The following DHRSX variants were observed in gnomAD, a reference collection of about 807,000 sequenced individuals.
DHRSX encodes the protein polyprenol dehydrogenase.
DHRSX carries 31 observed loss-of-function variants against 34.0 expected under a neutral mutation model. That is an observed-to-expected ratio of 0.91 (90% confidence interval 0.69 to 1.23). DHRSX has a LOEUF of 1.23. Ranked by LOEUF, DHRSX falls within the 50% of genes most tolerant of loss-of-function variation. DHRSX has a pLI of 0.00. For synonymous variants in DHRSX, 201 were observed against 183.8 expected, an observed-to-expected ratio of 1.09 and a Z score of -0.76; for missense variants, 414 against 428.1, an observed-to-expected ratio of 0.97 and a Z score of 0.29.
At chrX:2,479,098 G>T (rs936154856) in intron 1 of DHRSX, among the ~76,000 whole-genome samples, 3 of 151,962 alleles carry the variant, frequency 2.0e-5, no homozygotes, top group Non-Finnish European at 4.4e-5. Context: ...GTGGCTAAGG[G>T]ACCACAGCCA....
At chrX:2,402,280 C>A (rs774636917) in intron 3 of DHRSX, among the ~76,000 whole-genome samples, 1 of 152,366 alleles carries the variant, frequency 6.6e-6, no homozygotes, top group African/African-American at 2.4e-5. Context: ...TCCCTCTGTC[C>A]CTCGCTGGGC....
At chrX:2,437,563 C>G (rs2044007030) in intron 1 of DHRSX, among the ~76,000 whole-genome samples, 1 of 150,676 alleles carries the variant, frequency 6.6e-6, no homozygotes, top group Admixed American at 6.6e-5. Flanking sequence ...ATGTTCATAT[C>G]AGTGCACTCC....
chrX:2,346,771 GTA>G (rs1377890162), intron 3 of DHRSX, among the ~76,000 whole-genome samples: 1 of 151,876 alleles, frequency 6.6e-6, no homozygotes, highest in African/African-American at 2.4e-5. Context: ...TCTACATTAG[GTA>G]TTTCTCCTAA....
intron 5 of DHRSX, among the ~76,000 whole-genome samples, chrX:2,256,539 G>T (rs186370060): frequency 1.1e-3 from 166 of 151,886 alleles, no homozygotes; most frequent in African/African-American, 3.9e-3. Context: ...CAGGTGATAC[G>T]CCCGCCTCGG....
intron 1 of DHRSX, among the ~76,000 whole-genome samples, chrX:2,458,553 C>A (rs1415727722): frequency 2.0e-5 from 3 of 152,072 alleles, no homozygotes; most frequent in South Asian, 2.1e-4. Context: ...CTGAAAGATA[C>A]AATGTGAAGT....
At chrX:2,333,561 C>G (rs544806096) in intron 3 of DHRSX, among the ~76,000 whole-genome samples, 2 of 152,202 alleles carry the variant, frequency 1.3e-5, no homozygotes, top group South Asian at 4.2e-4. Flanking sequence ...ATTACAGATG[C>G]CTGCTACTCT....
At chrX:2,288,714 A>C (rs1208421253) in intron 4 of DHRSX, among the ~76,000 whole-genome samples, 1 of 152,238 alleles carries the variant, frequency 6.6e-6, no homozygotes, top group African/African-American at 2.4e-5. Context: ...TTAGCATGGA[A>C]GAAAGGTCTA....
intron 3 of DHRSX, among the ~76,000 whole-genome samples, chrX:2,319,736 A>G (rs1240748879): frequency 6.6e-6 from 1 of 152,008 alleles, no homozygotes; most frequent in African/African-American, 2.4e-5. Context: ...CACTACCAGT[A>G]TTTAACTTTT....
chrX:2,260,789 C>T (rs1019644323), intron 5 of DHRSX, among the ~76,000 whole-genome samples: 2 of 152,124 alleles, frequency 1.3e-5, no homozygotes, highest in Admixed American at 6.6e-5. Flanking sequence ...GGCCACCCAT[C>T]ATATTGGATC....
chrX:2,425,465 T>G (rs1300186827), intron 1 of DHRSX, among the ~76,000 whole-genome samples, 161 bp from the exon 2 acceptor site: 1 of 152,142 alleles, frequency 6.6e-6, no homozygotes, highest in African/African-American at 2.4e-5. Context: ...GAGGCATGAA[T>G]GTATTAAAGT....
intron 2 of DHRSX, among the ~76,000 whole-genome samples, chrX:2,413,138 T>C (rs2043652408): frequency 6.6e-6 from 1 of 152,130 alleles, no homozygotes; most frequent in African/African-American, 2.4e-5. Flanking sequence ...GAGGTTGCAG[T>C]GAGCCGAGAT....
At chrX:2,438,936 G>A (rs917638305) in intron 1 of DHRSX, among the ~76,000 whole-genome samples, 2 of 151,990 alleles carry the variant, frequency 1.3e-5, no homozygotes, top group Admixed American at 1.3e-4. Context: ...CATGAGGTCA[G>A]GAGTTCAAGA....
chrX:2,340,324 G>A (rs979511333), intron 3 of DHRSX, among the ~76,000 whole-genome samples: 4 of 151,930 alleles, frequency 2.6e-5, no homozygotes, highest in African/African-American at 9.7e-5. Flanking sequence ...ATGTACCCCA[G>A]AACTTAAAGT....
intron 3 of DHRSX, among the ~76,000 whole-genome samples, chrX:2,308,862 A>C (rs2042131365): frequency 6.7e-6 from 1 of 149,470 alleles, no homozygotes; most frequent in Non-Finnish European, 1.5e-5. Flanking sequence ...GAAGAAAGGG[A>C]AGGAGGAAAG....
At chrX:2,265,089 G>A (rs760505356) in intron 5 of DHRSX, among the ~76,000 whole-genome samples, 8 of 138,152 alleles carry the variant, frequency 5.8e-5, no homozygotes, top group African/African-American at 1.7e-4. Flanking sequence ...TCCAGCAGAC[G>A]CAGGGAGCAC....
chrX:2,343,011 A>C (rs992090127), intron 3 of DHRSX, among the ~76,000 whole-genome samples: 1 of 152,184 alleles, frequency 6.6e-6, no homozygotes, highest in African/African-American at 2.4e-5. Context: ...AAAACCGCCT[A>C]AATCCAGCCC....
At chrX:2,376,312 G>A (rs749269785) in intron 3 of DHRSX, among the ~76,000 whole-genome samples, 1 of 137,650 alleles carries the variant, frequency 7.3e-6, no homozygotes, top group African/African-American at 2.5e-5. Context: ...ATAAACGAAA[G>A]CACAAAAGGG....
At chrX:2,260,208 TTA>T (rs968105617) in intron 5 of DHRSX, among the ~76,000 whole-genome samples, 33 of 152,080 alleles carry the variant, frequency 2.2e-4, no homozygotes, top group Non-Finnish European at 3.5e-4. Flanking sequence ...AGGGCCCTTC[TTA>T]TATGTAGAGT....
At chrX:2,451,347 C>A (rs1400349541) in intron 1 of DHRSX, among the ~76,000 whole-genome samples, 11 of 151,916 alleles carry the variant, frequency 7.2e-5, no homozygotes, top group African/African-American at 2.4e-4. Flanking sequence ...TCAAAGGTTT[C>A]TTTCCTGTCA....
Sources: allele counts gnomAD v4.1 joint callset (sites outside exome capture counted in the v4.1 genomes callset), GRCh38; gene constraint gnomAD v4.1.1; transcripts MANE v1.5; gene names NCBI Gene and HGNC (gene_info 2026-07-23, HGNC 2026-07-21).